Variants in DDX10 observed in about 807,000 individuals in gnomAD.
DDX10 encodes the protein probable ATP-dependent RNA helicase DDX10.
DDX10 carries 74 observed loss-of-function variants against 104.3 expected under a neutral mutation model. The observed-to-expected ratio is 0.71, with a 90% CI of 0.59 to 0.86. DDX10 has a LOEUF of 0.86. Ranked by LOEUF, DDX10 falls within the 40% of genes least tolerant of loss-of-function variation. DDX10 has a pLI of 0.00. For synonymous variants in DDX10, 351 were observed against 353.4 expected (o/e 0.99, Z 0.08); for missense variants, 952 against 1,040.0 (o/e 0.92, Z 1.16).
chr11:108,797,825 G>A (rs1356902891), intron 13 of DDX10, among the ~76,000 whole-genome samples: 1 of 152,186 alleles, frequency 6.6e-6, no homozygotes, highest in Non-Finnish European at 1.5e-5. Flanking sequence ...TCTGACGAAT[G>A]GCCTGGGGAC....
chr11:108,887,491 A>G (rs1863314180), intron 16 of DDX10, among the ~76,000 whole-genome samples: 1 of 151,374 alleles, frequency 6.6e-6, no homozygotes, highest in South Asian at 2.1e-4. Context: ...AAACTGTGGT[A>G]CAGCAAGTTT....
intron 16 of DDX10, among the ~76,000 whole-genome samples, chr11:108,879,031 G>C (rs937541747): frequency 2.6e-5 from 4 of 152,098 alleles, no homozygotes; most frequent in Non-Finnish European, 5.9e-5. Flanking sequence ...TGGAGACGGA[G>C]TCTTGCTCTG....
chr11:108,817,684 T>C (rs529569457), intron 13 of DDX10, among the ~76,000 whole-genome samples: 78 of 152,376 alleles, frequency 5.1e-4, no homozygotes, highest in African/African-American at 1.7e-3. Context: ...CTTTATTCTT[T>C]GTAGTTCGTA....
intron 9 of DDX10, among the ~76,000 whole-genome samples, chr11:108,701,675 C>CTTTTTTTTTTTTTTTTTTTTTTTTT: frequency 1.3e-5 from 1 of 77,420 alleles, no homozygotes; most frequent in South Asian, 6.1e-4. Context: ...TTCTTCTTCT[C>CTTTTTTTTTTTTTTTTTTTTTTTTT]TTTTTTTTTT....
intron 16 of DDX10, 43 bp downstream of exon 16, chr11:108,852,252 T>A: frequency 6.7e-7 from 1 of 1,484,696 alleles, no homozygotes; most frequent in Non-Finnish European, 9.2e-7. Flanking sequence ...TCTATTAAGG[T>A]AGAATGGACA....
chr11:108,772,673 A>G (rs1327219655), intron 13 of DDX10, among the ~76,000 whole-genome samples: 2 of 152,268 alleles, frequency 1.3e-5, no homozygotes, highest in African/African-American at 4.8e-5. Context: ...ACCAGGCCAC[A>G]CAGCAGAAGG....
At chr11:108,797,574 C>A (rs1361535643) in intron 13 of DDX10, among the ~76,000 whole-genome samples, 1 of 152,194 alleles carries the variant, frequency 6.6e-6, no homozygotes, top group African/African-American at 2.4e-5. Flanking sequence ...AGAGGGCTTA[C>A]CTAGTACATT....
intron 13 of DDX10, among the ~76,000 whole-genome samples, chr11:108,812,352 TTAATTAAC>T (rs1862194078): frequency 6.6e-6 from 1 of 152,220 alleles, no homozygotes; most frequent in Non-Finnish European, 1.5e-5. Context: ...ATGTAGTAAG[TTAATTAAC>T]TGCCTTTGTT....
At chr11:108,926,313 T>TG (rs34314131) in intron 17 of DDX10, among the ~76,000 whole-genome samples, 146,374 of 152,220 alleles carry the variant, frequency 0.96, 70,668 homozygotes, top group East Asian at 1. Context: ...GTTAACTGGA[T>TG]GATTTATGAC....
At chr11:108,910,921 G>C (rs1434890474) in intron 16 of DDX10, among the ~76,000 whole-genome samples, 1 of 152,058 alleles carries the variant, frequency 6.6e-6, no homozygotes, top group Non-Finnish European at 1.5e-5. Context: ...TTGCAACTTG[G>C]AAATATGAAG....
chr11:108,698,215 G>T (rs1310763937), intron 9 of DDX10, among the ~76,000 whole-genome samples: 1 of 152,190 alleles, frequency 6.6e-6, no homozygotes, highest in East Asian at 1.9e-4. Flanking sequence ...AATAGCTAAT[G>T]AGAATTTTTT....
At chr11:108,854,296 G>T (rs1862835767) in intron 16 of DDX10, among the ~76,000 whole-genome samples, 1 of 152,224 alleles carries the variant, frequency 6.6e-6, no homozygotes, top group Non-Finnish European at 1.5e-5. Context: ...ACAAATTTCT[G>T]TGATATGTAA....
intron 17 of DDX10, among the ~76,000 whole-genome samples, chr11:108,923,698 G>C (rs988216992): frequency 6.6e-6 from 1 of 152,228 alleles, no homozygotes; most frequent in African/African-American, 2.4e-5. Flanking sequence ...GATTAGTGCT[G>C]TGGTTTGTGC....
At chr11:108,797,037 T>C (rs2466930) in intron 13 of DDX10, among the ~76,000 whole-genome samples, 19,090 of 151,928 alleles carry the variant, frequency 0.13, 1,582 homozygotes, top group East Asian at 0.27. Context: ...CTCCCTCTTC[T>C]AATTTTTTTT....
intron 16 of DDX10, among the ~76,000 whole-genome samples, chr11:108,855,212 A>G (rs1267056716): frequency 2.0e-5 from 3 of 152,204 alleles, no homozygotes; most frequent in South Asian, 2.1e-4. Context: ...ACTTGTAGCA[A>G]TGATCAATAG....
intron 13 of DDX10, among the ~76,000 whole-genome samples, chr11:108,748,336 T>G (rs1040338711): frequency 6.6e-6 from 1 of 152,180 alleles, no homozygotes; most frequent in Non-Finnish European, 1.5e-5. Flanking sequence ...CAGGGGACTT[T>G]AACTCTCCTT....
chr11:108,835,113 G>A (rs1443922709), intron 13 of DDX10, among the ~76,000 whole-genome samples: 2 of 152,028 alleles, frequency 1.3e-5, no homozygotes, highest in African/African-American at 4.8e-5. Context: ...AATCCCTTGT[G>A]TTCACAGGGG....
chr11:108,876,371 T>C (rs1346450305), intron 16 of DDX10, among the ~76,000 whole-genome samples: 1 of 152,190 alleles, frequency 6.6e-6, no homozygotes. Flanking sequence ...ACATAAGTTA[T>C]GTACCAGGAA....
intron 16 of DDX10, among the ~76,000 whole-genome samples, chr11:108,893,748 C>A (rs1863405651): frequency 6.6e-6 from 1 of 152,056 alleles, no homozygotes; most frequent in African/African-American, 2.4e-5. Context: ...TATGGAAATT[C>A]TTTTTGTCAG....
Sources: gnomAD v4.1 joint callset for allele counts (sites outside exome capture counted in the v4.1 genomes callset) on GRCh38, gnomAD v4.1.1 for gene constraint, MANE v1.5 for transcripts, NCBI Gene and HGNC (gene_info 2026-07-23, HGNC 2026-07-21) for gene names.